The following TRABD2B variants were observed in gnomAD, a reference collection of about 807,000 sequenced individuals.
TRABD2B encodes TraB domain containing 2B, also known as metalloprotease TIKI2.
A neutral mutation model predicts 40.1 loss-of-function variants in TRABD2B; 14 were observed. That is an observed-to-expected ratio of 0.35 (90% CI 0.23 to 0.55). TRABD2B has a LOEUF of 0.55. Ranked by LOEUF, TRABD2B falls within the 20% of genes least tolerant of loss-of-function variation. The pLI, the probability that TRABD2B is intolerant of heterozygous loss-of-function variation, is 0.90. For missense variants in TRABD2B, 541 were observed against 648.6 expected (o/e 0.83, Z 1.80); for synonymous variants, 263 against 277.0 (o/e 0.95, Z 0.50).
intron 2 of TRABD2B, among the ~76,000 whole-genome samples, chr1:47,984,130 A>T (rs537803323): frequency 1.3e-5 from 2 of 152,334 alleles, no homozygotes; most frequent in South Asian, 4.1e-4. Context: ...TAACCTTAAT[A>T]GGGAGGAAGG....
At chr1:47,840,099 A>C (rs1349629267) in intron 2 of TRABD2B, among the ~76,000 whole-genome samples, 3 of 152,078 alleles carry the variant, frequency 2.0e-5, no homozygotes, top group Non-Finnish European at 4.4e-5. Flanking sequence ...TGCTGAGTGA[A>C]CAATCGGAGG....
chr1:47,932,537 T>G (rs931225197), intron 2 of TRABD2B, among the ~76,000 whole-genome samples: 2 of 152,098 alleles, frequency 1.3e-5, no homozygotes, highest in African/African-American at 4.8e-5. Context: ...CTATAGCATG[T>G]GTGTCTCCTG....
intron 4 of TRABD2B, among the ~76,000 whole-genome samples, chr1:47,783,887 C>A (rs993456851): frequency 5.9e-5 from 9 of 152,174 alleles, no homozygotes; most frequent in African/African-American, 2.2e-4. Context: ...TGTTAGAACA[C>A]CCCACTCATC....
chr1:47,846,786 C>A (rs1198130191), intron 2 of TRABD2B, among the ~76,000 whole-genome samples: 1 of 151,860 alleles, frequency 6.6e-6, no homozygotes, highest in Non-Finnish European at 1.5e-5. Context: ...TCCACCTAGA[C>A]TGGGAGTGAT....
intron 2 of TRABD2B, among the ~76,000 whole-genome samples, chr1:47,973,518 C>T (rs749183393): frequency 3.9e-5 from 6 of 152,158 alleles, no homozygotes; most frequent in Non-Finnish European, 7.3e-5. Flanking sequence ...TGTGTGTATA[C>T]TCGTACTTGC....
chr1:47,989,296 G>A (rs1352614417), intron 2 of TRABD2B, among the ~76,000 whole-genome samples: 1 of 152,166 alleles, frequency 6.6e-6, no homozygotes. Context: ...TTCAGAAGGG[G>A]GCTCCTTGCT....
At chr1:47,780,696 G>C (rs1165043816) in intron 4 of TRABD2B, among the ~76,000 whole-genome samples, 1 of 152,188 alleles carries the variant, frequency 6.6e-6, no homozygotes, top group African/African-American at 2.4e-5. Flanking sequence ...GTGGCACAGT[G>C]GGGGAGGCTG....
chr1:47,832,433 G>C (rs920999860), intron 2 of TRABD2B, among the ~76,000 whole-genome samples: 1 of 152,194 alleles, frequency 6.6e-6, no homozygotes, highest in Non-Finnish European at 1.5e-5. Context: ...CTGCAGAATA[G>C]GGATAACAAT....
At chr1:47,795,410 T>C (rs1312562232) in intron 3 of TRABD2B, among the ~76,000 whole-genome samples, 1 of 152,176 alleles carries the variant, frequency 6.6e-6, no homozygotes, top group Non-Finnish European at 1.5e-5. Flanking sequence ...TGTTAACTGC[T>C]CTCACTTCAC....
intron 3 of TRABD2B, among the ~76,000 whole-genome samples, chr1:47,797,654 G>A (rs1182216252): frequency 1.3e-5 from 2 of 152,028 alleles, no homozygotes; most frequent in South Asian, 2.1e-4. Flanking sequence ...CTGGCCAGCC[G>A]CTGGCCAGCA....
At chr1:47,938,172 A>T (rs921699508) in intron 2 of TRABD2B, among the ~76,000 whole-genome samples, 1 of 152,214 alleles carries the variant, frequency 6.6e-6, no homozygotes, top group African/African-American at 2.4e-5. Flanking sequence ...ACAGAAAGGG[A>T]TGTATAGTCC....
In TRABD2B at chr1:47,781,282, C is replaced by T. The variant is rs74834116; in HGVS notation, c.989-2738G>A. On this transcript the variant is annotated intron_variant, in intron 4 of 6. Coordinates refer to ENST00000606738, the MANE Select transcript of TRABD2B (RefSeq NM_001194986.2). ...GGCCTCCCAGCCCAACAGCGGTCCT[C>T]GCGTTTGCCCAGAGGATTTCAAGAG... Among the ~76,000 whole-genome samples, 11 of 152,346 alleles carry T rather than the reference C, an allele frequency of 7.2e-5. No homozygotes were observed. In the East Asian group the frequency reaches 1.7e-3, roughly 24 times the overall value.
intron 2 of TRABD2B, among the ~76,000 whole-genome samples, chr1:47,857,209 C>T (rs1643901310): frequency 6.6e-6 from 1 of 152,190 alleles, no homozygotes; most frequent in Non-Finnish European, 1.5e-5. Flanking sequence ...AGTGGCTTCC[C>T]CTTCCCTCAG....
chr1:47,969,976 TC>T (rs752112531), intron 2 of TRABD2B, among the ~76,000 whole-genome samples: 42 of 152,074 alleles, frequency 2.8e-4, no homozygotes, highest in Non-Finnish European at 5.6e-4. Context: ...GTTGTTCTGG[TC>T]CCTTTTCCAA....
intron 2 of TRABD2B, among the ~76,000 whole-genome samples, chr1:47,938,451 G>C (rs143465531): frequency 6.6e-6 from 1 of 152,210 alleles, no homozygotes; most frequent in Admixed American, 6.5e-5. Context: ...ACTAAACATA[G>C]TGGTGGATAG....
At chr1:47,990,830 T>A (rs1206465741) in intron 2 of TRABD2B, among the ~76,000 whole-genome samples, 1 of 92,622 alleles carries the variant, frequency 1.1e-5, no homozygotes, top group Non-Finnish European at 2.1e-5. Context: ...TATATATATA[T>A]ATATAAAACG....
intron 2 of TRABD2B, among the ~76,000 whole-genome samples, chr1:47,871,230 G>A (rs1176304502): frequency 6.6e-6 from 1 of 152,124 alleles, no homozygotes; most frequent in Non-Finnish European, 1.5e-5. Context: ...AAGCTAGAGA[G>A]GTGGGCAGGA....
chr1:47,920,402 A>G (rs1278530250), intron 2 of TRABD2B, among the ~76,000 whole-genome samples: 2 of 152,240 alleles, frequency 1.3e-5, no homozygotes, highest in African/African-American at 4.8e-5. Flanking sequence ...TGCATGACCT[A>G]GACCATGTGA....
chr1:47,788,809 G>A (rs1366259569), intron 4 of TRABD2B, among the ~76,000 whole-genome samples: 1 of 152,170 alleles, frequency 6.6e-6, no homozygotes, highest in Non-Finnish European at 1.5e-5. Context: ...GGTTCTCAGA[G>A]TTTGAAATGA....
Sources: gnomAD v4.1 joint callset for allele counts (sites outside exome capture counted in the v4.1 genomes callset) on GRCh38, gnomAD v4.1.1 for gene constraint, MANE v1.5 for transcripts, NCBI Gene and HGNC (gene_info 2026-07-23, HGNC 2026-07-21) for gene names.